The following SLC8A3 variants were observed in gnomAD, a reference collection of about 807,000 sequenced individuals.
SLC8A3 encodes the protein solute carrier family 8 member A3.
Under a neutral mutation model 65.4 loss-of-function variants are expected in SLC8A3, and 37 were observed. That is an observed-to-expected ratio of 0.57 (90% CI 0.44 to 0.74). The LOEUF (loss-of-function observed/expected upper bound fraction) is 0.74, where lower values mean the gene tolerates loss of function less well. SLC8A3 is among the 30% of genes least tolerant of loss of function. The pLI, the probability that SLC8A3 is intolerant of heterozygous loss-of-function variation, is 0.00. For missense variants in SLC8A3, 1,112 were observed against 1,172.1 expected (o/e 0.95, Z 0.75); for synonymous variants, 461 against 444.5 (o/e 1.04, Z -0.47).
chr14:70,118,371 AC>A (rs1213733644), intron 2 of SLC8A3, among the ~76,000 whole-genome samples: 1 of 152,170 alleles, frequency 6.6e-6, no homozygotes, highest in Admixed American at 6.5e-5. Context: ...CTGGAAGAAA[AC>A]GTGAACAAGA....
chr14:70,092,926 C>T (rs911450116), intron 2 of SLC8A3, among the ~76,000 whole-genome samples: 2 of 152,168 alleles, frequency 1.3e-5, no homozygotes, highest in Admixed American at 1.3e-4. Context: ...ATAATATGGA[C>T]CATCTTATTC....
chr14:70,144,479 A>C (rs1192271830), intron 2 of SLC8A3, among the ~76,000 whole-genome samples: 1 of 151,814 alleles, frequency 6.6e-6, no homozygotes, highest in Non-Finnish European at 1.5e-5. Context: ...GAAATACAAA[A>C]ATCAGCTGGG....
At position 70,144,761 on chromosome 14, in the gene SLC8A3, T is replaced by C. The variant is rs1391274633; in HGVS notation, c.1784+21878A>G. Among the ~76,000 whole-genome samples, 6 of 152,316 alleles carry C rather than the reference T, an allele frequency of 3.9e-5. No individual in the cohort carries two copies. The South Asian group carries it at 1.0e-3, about 26-fold the overall frequency. On this transcript the variant is annotated intron_variant, in intron 2 of 6. Transcript: ENST00000356921. ...GATATTTAACAGTCATCACAACCTA[T>C]ATCATTCAGTTGCCAGTTGCATTCT...
chr14:70,137,479 A>G (rs904082166), intron 2 of SLC8A3, among the ~76,000 whole-genome samples: 1 of 152,174 alleles, frequency 6.6e-6, no homozygotes. Flanking sequence ...TTTCAAAAGT[A>G]CTGGGGTAGC....
rs891151289 is a variant in SLC8A3, at chr14:70,095,783, G to A, written c.1785-34844C>T. Among the ~76,000 whole-genome samples the A allele has an allele frequency of 2.0e-5, 3 of 152,174 alleles. No individual in the cohort carries two copies. In the South Asian group the frequency reaches 6.2e-4, roughly 32 times the overall value. On this transcript the variant is annotated intron_variant, in intron 2 of 6. Transcript: ENST00000356921. ...AAGTAAGAAACCGTTTGGTTCCAGG[G>A]GAAAAGACAGGAAGGTACTGGCAAC...
chr14:70,123,966 C>A (rs567607314), intron 2 of SLC8A3, among the ~76,000 whole-genome samples: 2 of 152,268 alleles, frequency 1.3e-5, no homozygotes, highest in South Asian at 4.2e-4. Flanking sequence ...GGTCAGCAGA[C>A]ATCCATGTGG....
intron 2 of SLC8A3, among the ~76,000 whole-genome samples, chr14:70,127,547 T>C (rs967132630): frequency 5.3e-5 from 8 of 152,034 alleles, no homozygotes; most frequent in African/African-American, 1.9e-4. Flanking sequence ...AACTGAACGC[T>C]GCCTAACTGG....
intron 3 of SLC8A3, among the ~76,000 whole-genome samples, chr14:70,054,536 T>G (rs566343524): frequency 6.6e-6 from 1 of 151,660 alleles, no homozygotes; most frequent in East Asian, 1.9e-4. Flanking sequence ...GAGGAAAGAG[T>G]TGGAACAAAG....
chr14:70,097,235 C>T (rs532927409), intron 2 of SLC8A3, among the ~76,000 whole-genome samples: 2 of 149,898 alleles, frequency 1.3e-5, no homozygotes, highest in East Asian at 2.0e-4. Context: ...AAATCTTGAT[C>T]GTAAAGATTT....
At position 70,046,316 on chromosome 14, in the gene SLC8A3, A is replaced by G; in HGVS notation, c.2397T>C (p.Phe799=). Residue 799 remains phenylalanine, a synonymous_variant, in exon 7 of 7, where the codon TTT becomes TTC. Transcript: ENST00000356921. The surrounding 1 kb of genome is among the most constrained non-coding windows in gnomAD (Gnocchi z 4.2). ...CCTGGAGGGCAGCAGCTTTGCTGGC[A>G]AACGTATCTGGAAAAGGACAAAGAC... is the stretch of plus-strand genomic sequence containing the variant. ...VAFGTSVPDT[F]ASKAAALQDV... 6.2e-7 allele frequency: 1 copy of G among 1,604,396 alleles called. No individual in the cohort carries two copies.
At chr14:70,174,299 C>A (rs931148674) in intron 1 of SLC8A3, among the ~76,000 whole-genome samples, 2 of 152,200 alleles carry the variant, frequency 1.3e-5, no homozygotes, top group African/African-American at 4.8e-5. Flanking sequence ...TGAAAATGGA[C>A]AAGAACTTCC....
At position 70,174,654 on chromosome 14, in the gene SLC8A3, TTTTTTTTG is replaced by T. The variant is rs557211452; in HGVS notation, c.-62-6178_-62-6171del. 7.1e-4 allele frequency among the ~76,000 whole-genome samples: 36 copies of T among 50,506 alleles called. 1 individual carries two copies. The highest frequency in any genetic ancestry group is 2.3e-3 in the East Asian group (8 of 3,424). The allele number at this position is 50,506 out of a possible 152,430, so 33.1% of individuals were successfully genotyped here. On this transcript the variant is annotated intron_variant, in intron 1 of 6. Transcript: ENST00000356921. ...AAAAGCCCCTTGGACCAAATCCGTT[TTTTTTTTG>T]TTTTTTTTTTTTTTTTTTTTTTTTT...
intron 1 of SLC8A3, among the ~76,000 whole-genome samples, chr14:70,172,575 C>T (rs540147968): frequency 1.3e-5 from 2 of 152,158 alleles, no homozygotes; most frequent in South Asian, 4.2e-4. Flanking sequence ...TGGCTGCCTG[C>T]TGCAGCCTCC....
At chr14:70,078,636 ACCTACCTTGTCT>A (rs1890755772) in intron 2 of SLC8A3, among the ~76,000 whole-genome samples, 1 of 152,174 alleles carries the variant, frequency 6.6e-6, no homozygotes, top group South Asian at 2.1e-4. Flanking sequence ...GGGCTGGACC[ACCTACCTTGTCT>A]ATCACCAAGA....
intron 2 of SLC8A3, among the ~76,000 whole-genome samples, chr14:70,153,934 C>T (rs1480100471): frequency 1.3e-5 from 2 of 152,224 alleles, no homozygotes; most frequent in Non-Finnish European, 2.9e-5. Context: ...CCGGCCAAAG[C>T]ATCATCTGTC....
intron 3 of SLC8A3, among the ~76,000 whole-genome samples, chr14:70,052,471 T>C (rs1228951147): frequency 5.3e-5 from 8 of 152,208 alleles, no homozygotes; most frequent in African/African-American, 1.9e-4. Context: ...TTTTGAACTT[T>C]TGGGCCTGTT....
chr14:70,172,444 C>T (rs1051084546), intron 1 of SLC8A3, among the ~76,000 whole-genome samples: 1 of 152,058 alleles, frequency 6.6e-6, no homozygotes, highest in Non-Finnish European at 1.5e-5. Flanking sequence ...GTAGAATGTC[C>T]ACGGCCTCCA....
At chr14:70,090,106 T>C (rs181197332) in intron 2 of SLC8A3, among the ~76,000 whole-genome samples, 45 of 152,282 alleles carry the variant, frequency 3.0e-4, no homozygotes, top group Non-Finnish European at 5.0e-4. Flanking sequence ...CAAGCCATTG[T>C]GACTTTTGTT....
chr14:70,055,021 C>G (rs1887924387), intron 3 of SLC8A3, among the ~76,000 whole-genome samples: 1 of 152,114 alleles, frequency 6.6e-6, no homozygotes, highest in Non-Finnish European at 1.5e-5. Flanking sequence ...GCTGAAAATG[C>G]TTTCATATCT....
Sources: gnomAD v4.1 joint callset for allele counts (sites outside exome capture counted in the v4.1 genomes callset) on GRCh38, gnomAD v4.1.1 for gene constraint, Gnocchi (gnomAD v3.1) non-coding constraint, MANE v1.5 for transcripts, NCBI Gene and HGNC (gene_info 2026-07-23, HGNC 2026-07-21) for gene names.